Variants in FRY observed in about 807,000 individuals in gnomAD.
The protein encoded by FRY is protein furry homolog.
FRY carries 128 observed loss-of-function variants against 348.4 expected under a neutral mutation model. That is an observed-to-expected ratio of 0.37 (90% CI 0.32 to 0.43). The LOEUF is 0.43. Ranked by LOEUF, FRY falls within the 20% of genes least tolerant of loss-of-function variation. The pLI is 1.00. For synonymous variants in FRY, 1,370 were observed against 1,374.7 expected (o/e 1.00, Z 0.08); for missense variants, 2,736 against 3,695.2 (o/e 0.74, Z 6.73).
intron 1 of FRY, among the ~76,000 whole-genome samples, chr13:32,051,620 T>C (rs1344789354): frequency 6.6e-6 from 1 of 152,236 alleles, no homozygotes; most frequent in Admixed American, 6.5e-5. Flanking sequence ...CAAGTTTGTA[T>C]CAGGAAATCA....
chr13:32,136,768 AG>A (rs1157062787), intron 10 of FRY, 102 bp from the exon 11 acceptor site: 2 of 796,590 alleles, frequency 2.5e-6, no homozygotes, highest in Admixed American at 3.5e-5. Flanking sequence ...TCTTGCCCAC[AG>A]GGCCCCCGAG....
chr13:32,217,768 G>A (rs1225898976), intron 35 of FRY, among the ~76,000 whole-genome samples: 1 of 152,228 alleles, frequency 6.6e-6, no homozygotes, highest in African/African-American at 2.4e-5. Context: ...TTATCTCAAA[G>A]ATGAGTGAGC....
At chr13:32,174,112 A>C (rs1388361100) in intron 19 of FRY, among the ~76,000 whole-genome samples, 1 of 152,246 alleles carries the variant, frequency 6.6e-6, no homozygotes, top group Admixed American at 6.5e-5. Context: ...ACTTATTGCT[A>C]TCTTGCAAGC....
intron 57 of FRY, among the ~76,000 whole-genome samples, chr13:32,278,194 A>G (rs1888631274): frequency 6.6e-6 from 1 of 152,218 alleles, no homozygotes; most frequent in Admixed American, 6.5e-5. Flanking sequence ...AATTAGAAAC[A>G]GTGTGGTGAA....
intron 2 of FRY, 95 bp downstream of exon 2, chr13:32,079,128 C>T (rs1474299783): frequency 1.1e-6 from 1 of 911,016 alleles, no homozygotes; most frequent in Non-Finnish European, 1.8e-6. Context: ...GATTGCTTTT[C>T]CTCTGGTTTG....
At chr13:32,138,779 G>A (rs1879879273) in intron 11 of FRY, among the ~76,000 whole-genome samples, 1 of 152,122 alleles carries the variant, frequency 6.6e-6, no homozygotes, top group South Asian at 2.1e-4. Flanking sequence ...AGTGGGGAAG[G>A]CAATTCTATA....
chr13:32,147,753 A>G, intron 12 of FRY, 86 bp from the exon 13 acceptor site: 2 of 811,526 alleles, frequency 2.5e-6, no homozygotes, highest in Middle Eastern at 2.6e-4. Context: ...TGATTCTTAG[A>G]TAAGATGAAA....
intron 39 of FRY, 74 bp from the exon 40 acceptor site, chr13:32,228,382 T>C: frequency 9.2e-7 from 1 of 1,090,788 alleles, no homozygotes; most frequent in Non-Finnish European, 1.4e-6. Flanking sequence ...CCTGCCCTCC[T>C]CTGTGGACCT....
chr13:32,220,331 C>T (rs1051564581), intron 36 of FRY, among the ~76,000 whole-genome samples: 2 of 152,120 alleles, frequency 1.3e-5, no homozygotes, highest in African/African-American at 4.8e-5. Context: ...TAATGGAAGG[C>T]GTGTCTAGAA....
At chr13:32,227,396 G>A (rs1461199193) in intron 39 of FRY, among the ~76,000 whole-genome samples, 2 of 152,116 alleles carry the variant, frequency 1.3e-5, no homozygotes, top group African/African-American at 4.8e-5. Context: ...CACTATAAGT[G>A]GCAGAAATGT....
At chr13:32,149,253 C>T (rs1880651380) in intron 13 of FRY, among the ~76,000 whole-genome samples, 3 of 149,866 alleles carry the variant, frequency 2.0e-5, no homozygotes, top group Admixed American at 1.3e-4. Context: ...TATTAAGTAA[C>T]CTTAATATAT....
chr13:32,232,848 G>A (rs1316276337), intron 41 of FRY, among the ~76,000 whole-genome samples: 2 of 152,138 alleles, frequency 1.3e-5, no homozygotes, highest in African/African-American at 4.8e-5. Context: ...TTGTGATGGT[G>A]GAGTCTGAGG....
At chr13:32,178,520 G>T in intron 21 of FRY, 84 bp downstream of exon 21, 1 of 1,401,302 alleles carries the variant, frequency 7.1e-7, no homozygotes. Flanking sequence ...AGATTGGGAT[G>T]TTATCATCCC....
intron 28 of FRY, among the ~76,000 whole-genome samples, chr13:32,193,356 GATACACAAGT>G (rs1366503819): frequency 2.6e-5 from 4 of 151,594 alleles, no homozygotes. Flanking sequence ...AATAGACATT[GATACACAAGT>G]ATACTTCACA....
intron 28 of FRY, among the ~76,000 whole-genome samples, chr13:32,190,962 A>G (rs1456296613): frequency 6.6e-6 from 1 of 152,228 alleles, no homozygotes; most frequent in Non-Finnish European, 1.5e-5. Flanking sequence ...ATAAGTATAT[A>G]TACCAATGGA....
rs1889519883 is a variant in FRY at position 32,294,297 on chromosome 13, T to A, written c.8581-71T>A. 3.8e-6 allele frequency: 4 copies of A among 1,056,908 alleles called. No individual in the cohort carries two copies. In the South Asian group the frequency reaches 4.0e-5, roughly 11 times the overall value. The allele number at this position is 1,056,908 out of a possible 1,614,324, so 65.5% of individuals were successfully genotyped here. On this transcript the variant is annotated intron_variant, in intron 59 of 60. Transcript: ENST00000542859. ...CTTAACCACACCCATAAGATCCTTT[T>A]TTTTTCCTTTTGGGATGTAAAATTC...
intron 54 of FRY, among the ~76,000 whole-genome samples, chr13:32,265,993 TACC>T (rs1421548414): frequency 6.6e-6 from 1 of 152,142 alleles, no homozygotes; most frequent in African/African-American, 2.4e-5. Flanking sequence ...ATATAGGAAA[TACC>T]TACTCTTTAA....
At position 32,161,180 on chromosome 13, in the gene FRY, C is replaced by G. The variant is rs754893138; in HGVS notation, c.1821C>G (p.Thr607=). The part of the protein sequence containing the change: ...ERKPKIDLFR[T]CVAAIPRLLP... ...AGCCAAAAATAGATCTTTTCAGGAC[C>G]TGTGTTGCTGCTATTCCTCGACTGC... Residue 607 remains threonine (T), a synonymous_variant, in exon 17 of 61, where the codon ACC becomes ACG. Coordinates refer to ENST00000542859, the MANE Select transcript of FRY (RefSeq NM_023037.3). 1.2e-6 allele frequency: 2 copies of G among 1,613,148 alleles called. No individual in the cohort carries two copies. The highest frequency in any genetic ancestry group is 1.7e-6 in the Non-Finnish European group (2 of 1,179,304).
At chr13:32,190,528 G>C (rs1883280127) in intron 28 of FRY, among the ~76,000 whole-genome samples, 1 of 151,990 alleles carries the variant, frequency 6.6e-6, no homozygotes, top group South Asian at 2.1e-4. Flanking sequence ...TGGGGAGCTG[G>C]AAAAATAAAT....
Sources: allele counts gnomAD v4.1 joint callset (sites outside exome capture counted in the v4.1 genomes callset), GRCh38; gene constraint gnomAD v4.1.1; transcripts MANE v1.5; gene names NCBI Gene and HGNC (gene_info 2026-07-23, HGNC 2026-07-21).